The following CTNNA3 variants were observed in gnomAD, a reference collection of about 807,000 sequenced individuals.
CTNNA3 encodes catenin alpha 3.
A neutral mutation model predicts 95.7 loss-of-function variants in CTNNA3; 76 were observed. The ratio of observed to expected loss-of-function variants is 0.79; its 90% CI spans 0.66 to 0.96. The LOEUF (loss-of-function observed/expected upper bound fraction) is 0.96. CTNNA3 is among the 40% of genes least tolerant of loss of function. The pLI, the probability that CTNNA3 is intolerant of heterozygous loss-of-function variation, is 0.00. For synonymous variants in CTNNA3, 431 were observed against 374.4 expected, an observed-to-expected ratio of 1.15 and a Z score of -1.74; for missense variants, 1,191 against 1,089.8, an observed-to-expected ratio of 1.09 and a Z score of -1.31.
At position 67,752,306 on chromosome 10, in the gene CTNNA3, AATTG is replaced by A. The variant is rs1841411767; in HGVS notation, c.-2+11124_-2+11127del. Among the ~76,000 whole-genome samples, 4 of 152,158 alleles carry A rather than the reference AATTG, an allele frequency of 2.6e-5. No individual in the cohort carries two copies. In the South Asian group the frequency reaches 8.3e-4, roughly 31 times the overall value. ...TGTTAACAACTCTCAATAAACTAGG[AATTG>A]ATGGAACACATCTCAAAATATTAAG... On this transcript the variant is annotated intron_variant, in intron 1 of 17. Transcript: ENST00000684154.
chr10:66,660,416 G>T (rs1330674657), intron 9 of CTNNA3, among the ~76,000 whole-genome samples: 1 of 152,156 alleles, frequency 6.6e-6, no homozygotes, highest in Non-Finnish European at 1.5e-5. Flanking sequence ...TCTAAGGTTA[G>T]GTGGGACATC....
At chr10:66,646,764 A>T (rs12243379) in intron 9 of CTNNA3, among the ~76,000 whole-genome samples, 43 of 152,256 alleles carry the variant, frequency 2.8e-4, no homozygotes, top group African/African-American at 9.6e-4. Flanking sequence ...TCTTGTTCAG[A>T]TGGAAAAGCA....
intron 9 of CTNNA3, among the ~76,000 whole-genome samples, chr10:66,632,525 A>G (rs1845175793): frequency 6.8e-6 from 1 of 146,904 alleles, no homozygotes. Flanking sequence ...ATTGCATTCC[A>G]GCCTGGGTGA....
chr10:66,477,711 C>T (rs552796792), intron 11 of CTNNA3, among the ~76,000 whole-genome samples: 61 of 152,102 alleles, frequency 4.0e-4, no homozygotes, highest in African/African-American at 1.4e-3. Context: ...GATCTTAGGG[C>T]AATACAAACT....
intron 7 of CTNNA3, among the ~76,000 whole-genome samples, chr10:67,094,645 A>T (rs1044868618): frequency 2.6e-5 from 4 of 151,818 alleles, no homozygotes; most frequent in African/African-American, 9.7e-5. Flanking sequence ...ACCTTGTACT[A>T]CATCTGTATA....
At chr10:66,530,445 C>G (rs1412999985) in intron 10 of CTNNA3, among the ~76,000 whole-genome samples, 26 of 152,242 alleles carry the variant, frequency 1.7e-4, no homozygotes, top group Admixed American at 1.7e-3. Flanking sequence ...CCAAATATTT[C>G]TCACTTTCTA....
At chr10:67,336,867 A>C (rs1168681030) in intron 5 of CTNNA3, among the ~76,000 whole-genome samples, 4 of 152,178 alleles carry the variant, frequency 2.6e-5, no homozygotes, top group Non-Finnish European at 1.5e-5. Context: ...TGAATATTTT[A>C]AGCTCACTGT....
chr10:67,634,955 T>G (rs1156687707), intron 2 of CTNNA3, among the ~76,000 whole-genome samples: 2 of 152,096 alleles, frequency 1.3e-5, no homozygotes, highest in African/African-American at 4.8e-5. Flanking sequence ...CTGGATCAAG[T>G]AGACCTAATA....
At chr10:66,746,772 T>A (rs1050082948) in intron 9 of CTNNA3, among the ~76,000 whole-genome samples, 2 of 152,194 alleles carry the variant, frequency 1.3e-5, no homozygotes, top group African/African-American at 4.8e-5. Context: ...TTTGCACAAC[T>A]ATTTTTCTCC....
chr10:67,266,236 T>G (rs965706023), intron 5 of CTNNA3, among the ~76,000 whole-genome samples: 12 of 152,186 alleles, frequency 7.9e-5, no homozygotes, highest in Middle Eastern at 3.4e-3. Flanking sequence ...GAAAGAACAC[T>G]AAACAATTCA....
intron 7 of CTNNA3, among the ~76,000 whole-genome samples, chr10:66,797,082 T>G (rs1841228496): frequency 6.6e-6 from 1 of 151,926 alleles, no homozygotes; most frequent in African/African-American, 2.4e-5. Context: ...TAAATTTGTT[T>G]TTTTTTTCCT....
intron 9 of CTNNA3, among the ~76,000 whole-genome samples, chr10:66,761,439 C>T (rs570095690): frequency 3.9e-5 from 6 of 152,098 alleles, no homozygotes; most frequent in South Asian, 2.1e-4. Flanking sequence ...AGAAAAATTT[C>T]GGCCTAGATC....
At chr10:66,363,209 T>G (rs2092689056) in intron 12 of CTNNA3, among the ~76,000 whole-genome samples, 1 of 152,188 alleles carries the variant, frequency 6.6e-6, no homozygotes, top group Admixed American at 6.5e-5. Flanking sequence ...AATTTTAGTT[T>G]GAAGAAAGGA....
chr10:67,411,199 A>T (rs1166640702), intron 5 of CTNNA3, among the ~76,000 whole-genome samples: 2 of 152,170 alleles, frequency 1.3e-5, no homozygotes, highest in Non-Finnish European at 2.9e-5. Flanking sequence ...GCAGATTTTA[A>T]GTGTTCTCAT....
chr10:65,920,689 G>A (rs1207496435), intron 17 of CTNNA3, 72 bp from the exon 18 acceptor site: 1 of 1,495,260 alleles, frequency 6.7e-7, no homozygotes, highest in African/African-American at 1.4e-5. Flanking sequence ...GCGTGGGCAT[G>A]GTGGCATGTG....
intron 9 of CTNNA3, among the ~76,000 whole-genome samples, chr10:66,731,913 C>T (rs1848974449): frequency 6.6e-6 from 1 of 152,130 alleles, no homozygotes; most frequent in African/African-American, 2.4e-5. Context: ...CAGGACATGA[C>T]CTTAAATGTA....
chr10:67,435,368 C>T (rs954793060), intron 5 of CTNNA3, among the ~76,000 whole-genome samples: 6 of 151,916 alleles, frequency 3.9e-5, no homozygotes, highest in African/African-American at 1.4e-4. Flanking sequence ...AAACCCACAG[C>T]CAATATAACA....
chr10:66,926,554 C>T, intron 7 of CTNNA3: 1 of 1,613,690 alleles, frequency 6.2e-7, no homozygotes, highest in Non-Finnish European at 8.5e-7. Context: ...AAGCAAAAGA[C>T]CTAAGGACGA....
intron 3 of CTNNA3, among the ~76,000 whole-genome samples, chr10:67,544,716 C>T (rs948758213): frequency 6.6e-6 from 1 of 152,088 alleles, no homozygotes; most frequent in Non-Finnish European, 1.5e-5. Flanking sequence ...AATGCTTGTC[C>T]AACCACCAGA....
Sources: gnomAD v4.1 joint callset for allele counts (sites outside exome capture counted in the v4.1 genomes callset) on GRCh38, gnomAD v4.1.1 for gene constraint, MANE v1.5 for transcripts, NCBI Gene and HGNC (gene_info 2026-07-23, HGNC 2026-07-21) for gene names.